Variants in VWA8 observed in about 807,000 individuals in gnomAD.
The protein encoded by VWA8 is von Willebrand factor A domain containing 8.
VWA8 carries 221 observed loss-of-function variants against 241.5 expected under a neutral mutation model. That is an observed-to-expected ratio of 0.91 (90% CI 0.82 to 1.02). The LOEUF is 1.02. VWA8 is among the 50% of genes least tolerant of loss of function. VWA8 has a pLI of 0.00. For synonymous variants in VWA8, 852 were observed against 827.1 expected (o/e 1.03, Z -0.52); for missense variants, 2,322 against 2,328.7 (o/e 1.00, Z 0.06).
At position 41,849,616 on chromosome 13, in the gene VWA8, C is replaced by T. The variant is rs138933003; in HGVS notation, c.1426-16085G>A. Among the ~76,000 whole-genome samples the T allele has an allele frequency of 1.1e-4, 16 of 152,242 alleles. No individual in the cohort carries two copies. The East Asian group carries it at 2.5e-3, about 24-fold the overall frequency. On this transcript the variant is annotated intron_variant, in intron 12 of 44. Coordinates refer to ENST00000379310, the MANE Select transcript of VWA8 (RefSeq NM_015058.2). ...AAAACAGAAGTGCATAGGTCAGGCA[C>T]GGTGGCTCGTGCCTGTAATCCCAGC...
intron 6 of VWA8, 22 bp from the exon 7 acceptor site, chr13:41,886,852 TTAAA>T (rs776521103): frequency 6.6e-7 from 1 of 1,513,090 alleles, no homozygotes; most frequent in African/African-American, 1.4e-5. Context: ...CAGAAACATA[TTAAA>T]TTAATTAACA....
chr13:41,641,189 T>G (rs12864955), intron 37 of VWA8, among the ~76,000 whole-genome samples: 4,935 of 152,266 alleles, frequency 0.032, 89 homozygotes, highest in South Asian at 0.078. Context: ...ATGTTGTCTG[T>G]GGGCAAGATA....
chr13:41,938,347 AC>A (rs1275684097), intron 2 of VWA8, among the ~76,000 whole-genome samples: 3 of 151,814 alleles, frequency 2.0e-5, no homozygotes, highest in Non-Finnish European at 4.4e-5. Context: ...CCTTTTAAGG[AC>A]TCTATTCTTA....
intron 21 of VWA8, among the ~76,000 whole-genome samples, chr13:41,759,136 G>A (rs190038458): frequency 3.0e-3 from 459 of 151,390 alleles, no homozygotes; most frequent in Non-Finnish European, 5.0e-3. Flanking sequence ...GCATTACACA[G>A]GTCTGCTGAT....
At chr13:41,711,312 A>G (rs2045314691) in intron 26 of VWA8, among the ~76,000 whole-genome samples, 1 of 152,148 alleles carries the variant, frequency 6.6e-6, no homozygotes, top group Non-Finnish European at 1.5e-5. Flanking sequence ...GAATCCTCTC[A>G]AGTGCCTCCC....
rs151235373 is a variant in VWA8 at position 41,838,620 on chromosome 13, A to G, written c.1426-5089T>C. Reference sequence around the variant, plus strand: ...AATATAATGTATTATAAAATTAAACATAAGTGGACAAGGAAAACTAAACAA... The same window carrying G: ...AATATAATGTATTATAAAATTAAACGTAAGTGGACAAGGAAAACTAAACAA... On this transcript the variant is annotated intron_variant, in intron 12 of 44. Transcript: ENST00000379310. 7.7e-4 allele frequency among the ~76,000 whole-genome samples: 117 copies of G among 152,326 alleles called. No individual in the cohort carries two copies. The East Asian group carries it at 0.018, about 24-fold the overall frequency.
chr13:41,919,421 G>A (rs1057076655), intron 2 of VWA8, among the ~76,000 whole-genome samples: 2 of 152,090 alleles, frequency 1.3e-5, no homozygotes, highest in African/African-American at 2.4e-5. Context: ...AGAACAAACC[G>A]ACACTGTGCC....
At chr13:41,626,895 C>T (rs1199220011) in intron 37 of VWA8, among the ~76,000 whole-genome samples, 1 of 152,116 alleles carries the variant, frequency 6.6e-6, no homozygotes, top group East Asian at 1.9e-4. Context: ...AAAGCAATTG[C>T]AGCAAAAACA....
At chr13:41,736,761 T>C (rs923674015) in intron 21 of VWA8, among the ~76,000 whole-genome samples, 3 of 151,066 alleles carry the variant, frequency 2.0e-5, no homozygotes, top group Admixed American at 1.3e-4. Context: ...CACGCAATAA[T>C]ACGAGCCAAA....
intron 21 of VWA8, among the ~76,000 whole-genome samples, chr13:41,739,984 T>C (rs9566839): frequency 1.3e-5 from 2 of 150,982 alleles, no homozygotes; most frequent in East Asian, 3.9e-4. Context: ...CCTCCCGAGT[T>C]GCTGGGACTA....
intron 17 of VWA8, among the ~76,000 whole-genome samples, chr13:41,805,972 C>T (rs1180370753): frequency 6.9e-6 from 1 of 144,682 alleles, no homozygotes; most frequent in South Asian, 2.2e-4. Context: ...TATATTAGGC[C>T]ACAAAACAAG....
chr13:41,573,558 A>G (rs1345699823), intron 43 of VWA8, among the ~76,000 whole-genome samples: 1 of 144,592 alleles, frequency 6.9e-6, no homozygotes, highest in Non-Finnish European at 1.5e-5. Flanking sequence ...TAAAATATAT[A>G]CACGTATATA....
intron 3 of VWA8, among the ~76,000 whole-genome samples, chr13:41,910,147 A>C (rs1380511377): frequency 2.0e-5 from 3 of 152,158 alleles, no homozygotes; most frequent in Non-Finnish European, 4.4e-5. Flanking sequence ...TTACAAATCT[A>C]TGTTGCATTT....
At chr13:41,656,349 A>G (rs1367024210) in intron 37 of VWA8, among the ~76,000 whole-genome samples, 3 of 152,236 alleles carry the variant, frequency 2.0e-5, no homozygotes, top group Admixed American at 2.0e-4. Flanking sequence ...CGTGAAATGT[A>G]GGCCCTTCAA....
chr13:41,720,508 ATATC>A (rs1245124282), intron 25 of VWA8, among the ~76,000 whole-genome samples: 1 of 152,320 alleles, frequency 6.6e-6, no homozygotes, highest in Admixed American at 6.5e-5. Context: ...ACTAATTAAT[ATATC>A]TATCATTTAA....
At chr13:41,866,916 C>T (rs1873339034) in intron 10 of VWA8, among the ~76,000 whole-genome samples, 1 of 152,042 alleles carries the variant, frequency 6.6e-6, no homozygotes, top group African/African-American at 2.4e-5. Context: ...TTTTTGTCTT[C>T]CCCTTTTATT....
intron 9 of VWA8, among the ~76,000 whole-genome samples, chr13:41,870,669 C>G (rs904683341): frequency 6.7e-6 from 1 of 148,204 alleles, no homozygotes; most frequent in Non-Finnish European, 1.5e-5. Flanking sequence ...AAATTTAGAA[C>G]GAAGATTCAT....
At chr13:41,651,969 C>T (rs1185694346) in intron 37 of VWA8, among the ~76,000 whole-genome samples, 2 of 152,218 alleles carry the variant, frequency 1.3e-5, no homozygotes, top group Non-Finnish European at 2.9e-5. Flanking sequence ...GTGAAACATT[C>T]TGAATTTGCT....
intron 21 of VWA8, among the ~76,000 whole-genome samples, chr13:41,738,950 T>C (rs1593733617): frequency 6.6e-6 from 1 of 152,306 alleles, no homozygotes. Flanking sequence ...ATGGTATATA[T>C]GACCTTTTTA....
Sources: allele counts gnomAD v4.1 joint callset (sites outside exome capture counted in the v4.1 genomes callset), GRCh38; gene constraint gnomAD v4.1.1; transcripts MANE v1.5; gene names NCBI Gene and HGNC (gene_info 2026-07-23, HGNC 2026-07-21).